The following SEMA3E variants were observed in gnomAD, a reference collection of about 807,000 sequenced individuals.
SEMA3E encodes the protein semaphorin-3E.
SEMA3E carries 49 observed loss-of-function variants against 93.6 expected under a neutral mutation model. The observed-to-expected ratio is 0.52, with a 90% CI of 0.42 to 0.66. The LOEUF (loss-of-function observed/expected upper bound fraction) is 0.66, where lower values mean the gene tolerates loss of function less well. Ranked by LOEUF, SEMA3E falls within the 30% of genes least tolerant of loss-of-function variation. The probability of loss-of-function intolerance (pLI) is 0.00; values close to 1 mark genes in which losing one functional copy is unlikely to be tolerated. For synonymous variants in SEMA3E, 363 were observed against 330.7 expected (o/e 1.10, Z -1.06); for missense variants, 906 against 964.8 (o/e 0.94, Z 0.81).
At chr7:83,429,782 G>A (rs1019322628) in intron 4 of SEMA3E, among the ~76,000 whole-genome samples, 14 of 151,992 alleles carry the variant, frequency 9.2e-5, no homozygotes, top group Admixed American at 7.2e-4. Context: ...ACTCATAGCT[G>A]TTTGATTATT....
At chr7:83,427,200 C>CT (rs757026243) in intron 4 of SEMA3E, among the ~76,000 whole-genome samples, 1 of 151,584 alleles carries the variant, frequency 6.6e-6, no homozygotes, top group East Asian at 1.9e-4. Context: ...TCCTTTCCTT[C>CT]TTTTTTTCTT....
chr7:83,539,912 A>C (rs1312784167), intron 1 of SEMA3E, among the ~76,000 whole-genome samples: 2 of 100,420 alleles, frequency 2.0e-5, no homozygotes, highest in African/African-American at 7.1e-5. Context: ...GTGGAGTCTC[A>C]CTCAGTTGCC....
At chr7:83,588,516 C>T (rs1792682004) in intron 1 of SEMA3E, among the ~76,000 whole-genome samples, 1 of 152,096 alleles carries the variant, frequency 6.6e-6, no homozygotes, top group Admixed American at 6.6e-5. Flanking sequence ...AGGGAATACC[C>T]AGTTAATGTG....
chr7:83,385,441 A>G lies in SEMA3E; in HGVS notation c.1736-8T>C, dbSNP rs1225593956. 1.9e-6 allele frequency: 3 copies of G among 1,613,110 alleles called. No individual in the cohort carries two copies. The highest frequency in any genetic ancestry group is 2.5e-6 in the Non-Finnish European group (3 of 1,179,254). On this transcript the variant is annotated splice_region_variant and splice_polypyrimidine_tract_variant and intron_variant, in intron 15 of 16. Transcript: ENST00000643230. ...TCTTATCCAAAGCATCCCCTACAAC[A>G]GGAACATTAATGCCATCTTTGAGAC...
intron 12 of SEMA3E, among the ~76,000 whole-genome samples, chr7:83,395,383 C>T (rs1788101220): frequency 6.6e-6 from 1 of 152,090 alleles, no homozygotes; most frequent in African/African-American, 2.4e-5. Context: ...TCACATCTAC[C>T]CATCATAAAC....
In SEMA3E at chr7:83,586,381, G is replaced by T. The variant is rs79142439; in HGVS notation, c.115+62047C>A. Among the ~76,000 whole-genome samples the T allele has an allele frequency of 8.5e-3, 1,290 of 152,090 alleles. 12 individuals are homozygous for T. The highest frequency in any genetic ancestry group is 0.03 in the African/African-American group (1,241 of 41,514). ...TTACATTGGCTGGATTAGGAGTTGTGAATTTGGCATTACTAAACCATGTGG... is the reference window on the plus strand; with the variant it reads ...TTACATTGGCTGGATTAGGAGTTGTTAATTTGGCATTACTAAACCATGTGG... On this transcript the variant is annotated intron_variant, in intron 1 of 16. Coordinates refer to ENST00000643230, the MANE Select transcript of SEMA3E (RefSeq NM_012431.3).
chr7:83,529,624 C>T (rs888556729), intron 1 of SEMA3E, among the ~76,000 whole-genome samples: 4 of 152,164 alleles, frequency 2.6e-5, no homozygotes, highest in Admixed American at 2.0e-4. Context: ...GCTAGTCTAT[C>T]CAGGATATAC....
chr7:83,497,435 T>G (rs1352758189), intron 1 of SEMA3E, among the ~76,000 whole-genome samples: 1 of 152,150 alleles, frequency 6.6e-6, no homozygotes, highest in East Asian at 1.9e-4. Context: ...CTGAGTTAAT[T>G]ACGTTATTCA....
intron 1 of SEMA3E, among the ~76,000 whole-genome samples, chr7:83,491,268 C>T (rs1790376506): frequency 6.6e-6 from 1 of 152,024 alleles, no homozygotes; most frequent in South Asian, 2.1e-4. Flanking sequence ...GTATATGCCT[C>T]TGTATTAATA....
chr7:83,382,176 G>C (rs1325896543), intron 16 of SEMA3E, among the ~76,000 whole-genome samples: 1 of 152,014 alleles, frequency 6.6e-6, no homozygotes, highest in Non-Finnish European at 1.5e-5. Context: ...TGTTTTAGTA[G>C]AAATTACATA....
chr7:83,403,925 T>C (rs1484760896), intron 9 of SEMA3E, among the ~76,000 whole-genome samples: 1 of 151,888 alleles, frequency 6.6e-6, no homozygotes, highest in Non-Finnish European at 1.5e-5. Flanking sequence ...AATTGAACAG[T>C]CAAAATAGAA....
In SEMA3E at chr7:83,617,935, A is replaced by G. The variant is rs138732129; in HGVS notation, c.115+30493T>C. ...CTAAATAAAATATTGTCTTATCAAT[A>G]CACATTCACTGATCATCTGCTATAA... On this transcript the variant is annotated intron_variant, in intron 1 of 16. Transcript: ENST00000643230. Among the ~76,000 whole-genome samples the G allele has an allele frequency of 4.1e-3, 630 of 152,228 alleles. 6 individuals carry two copies. The highest frequency in any genetic ancestry group is 0.015 in the African/African-American group (607 of 41,570).
intron 1 of SEMA3E, among the ~76,000 whole-genome samples, chr7:83,555,873 T>G (rs1249556677): frequency 6.6e-6 from 1 of 152,174 alleles, no homozygotes. Context: ...ACTAAGAATG[T>G]GGAGACCTTA....
At chr7:83,579,778 A>C (rs1276425814) in intron 1 of SEMA3E, among the ~76,000 whole-genome samples, 2 of 152,106 alleles carry the variant, frequency 1.3e-5, no homozygotes, top group Non-Finnish European at 2.9e-5. Context: ...CTCAGAAGTC[A>C]CTACTAAATA....
intron 1 of SEMA3E, among the ~76,000 whole-genome samples, chr7:83,647,553 T>A (rs1025550446): frequency 2.6e-5 from 4 of 152,220 alleles, no homozygotes; most frequent in African/African-American, 9.6e-5. Flanking sequence ...TGAGCATGGT[T>A]TTGTTTATTA....
intron 1 of SEMA3E, among the ~76,000 whole-genome samples, chr7:83,581,164 G>C (rs1325013519): frequency 6.6e-6 from 1 of 151,786 alleles, no homozygotes; most frequent in Admixed American, 6.6e-5. Flanking sequence ...ATCTGTCTAG[G>C]GATACATATC....
intron 1 of SEMA3E, among the ~76,000 whole-genome samples, chr7:83,593,284 C>CTG (rs66605514): frequency 0.028 from 3,283 of 116,436 alleles, 53 homozygotes; most frequent in East Asian, 0.051. Context: ...CTCTCTCTCT[C>CTG]TGTGTGTGTG....
intron 1 of SEMA3E, among the ~76,000 whole-genome samples, chr7:83,518,323 A>T (rs1216339880): frequency 6.6e-6 from 1 of 152,118 alleles, no homozygotes; most frequent in African/African-American, 2.4e-5. Flanking sequence ...CTCAGAAAAA[A>T]AAAGATAGCA....
intron 1 of SEMA3E, among the ~76,000 whole-genome samples, chr7:83,646,847 C>A (rs889012666): frequency 5.9e-5 from 9 of 151,820 alleles, no homozygotes; most frequent in African/African-American, 2.2e-4. Flanking sequence ...ACCATGAAAA[C>A]ACAAGTACCC....
Sources: allele counts gnomAD v4.1 joint callset (sites outside exome capture counted in the v4.1 genomes callset), GRCh38; gene constraint gnomAD v4.1.1; transcripts MANE v1.5; gene names NCBI Gene and HGNC (gene_info 2026-07-23, HGNC 2026-07-21).